PCDH15: variants seen among roughly 807,000 people sequenced by gnomAD.
PCDH15 encodes the protein protocadherin-15.
PCDH15 carries 129 observed loss-of-function variants against 178.5 expected under a neutral mutation model. That is an observed-to-expected ratio of 0.72 (90% confidence interval 0.63 to 0.84). The LOEUF (loss-of-function observed/expected upper bound fraction) is 0.84, where lower values mean the gene tolerates loss of function less well. Among genes scored for constraint, PCDH15 ranks in the 40% least tolerant of loss-of-function variants. PCDH15 has a pLI of 0.00. For synonymous variants in PCDH15, 800 were observed against 732.0 expected, an observed-to-expected ratio of 1.09 and a Z score of -1.50; for missense variants, 2,230 against 2,099.9, an observed-to-expected ratio of 1.06 and a Z score of -1.21.
At chr10:55,238,717 A>T (rs1307867817) in intron 1 of PCDH15, among the ~76,000 whole-genome samples, 1 of 151,700 alleles carries the variant, frequency 6.6e-6, no homozygotes, top group Non-Finnish European at 1.5e-5. Context: ...CTCTTAATTT[A>T]TATATATTTT....
At chr10:54,118,043 T>A (rs886856677) in intron 15 of PCDH15, among the ~76,000 whole-genome samples, 1 of 152,272 alleles carries the variant, frequency 6.6e-6, no homozygotes, top group African/African-American at 2.4e-5. Context: ...GAAAATACTA[T>A]TCCAAACTTA....
upstream of PCDH15, among the ~76,000 whole-genome samples, chr10:54,806,066 T>C (rs1224409783): frequency 3.3e-5 from 5 of 152,194 alleles, no homozygotes; most frequent in Admixed American, 2.6e-4. Context: ...GTGCAGATAA[T>C]ATTTGTAAAA....
rs916602689 is a variant in PCDH15, at chr10:53,878,038, T to A, written c.3502-11181A>T. Among the ~76,000 whole-genome samples the A allele has an allele frequency of 3.9e-5, 6 of 152,084 alleles. No homozygotes were observed. In the East Asian group the frequency reaches 1.2e-3, roughly 29 times the overall value. On this transcript the variant is annotated intron_variant, in intron 26 of 37. Transcript: ENST00000644397. ...ACTTTTTGCTTTACATTTATTCTAC[T>A]TCCCAGAACCATATTATTTTGTTTT...
intron 33 of PCDH15, among the ~76,000 whole-genome samples, chr10:53,819,926 G>GAAT (rs2076196299): frequency 6.6e-6 from 1 of 151,810 alleles, no homozygotes. Flanking sequence ...AAAAAGTACA[G>GAAT]AATAATAACA....
In PCDH15 at chr10:55,006,885, A is replaced by C. The variant is rs947626742; in HGVS notation, c.-79-109385T>G. On this transcript the variant is annotated intron_variant, in intron 2 of 5. Transcript: ENST00000458638. Reference sequence around the variant, plus strand: ...AGGACTGTTTACTCAATGCCTATACATTCCATTTCAATGCTGTAGGTGGGG... The same window carrying C: ...AGGACTGTTTACTCAATGCCTATACCTTCCATTTCAATGCTGTAGGTGGGG... Among the ~76,000 whole-genome samples, 14 of 152,110 alleles carry C rather than the reference A, an allele frequency of 9.2e-5. No homozygotes were observed. The South Asian group carries it at 2.9e-3, about 32-fold the overall frequency.
intron 2 of PCDH15, among the ~76,000 whole-genome samples, chr10:55,554,608 A>T (rs1412427131): frequency 6.6e-6 from 1 of 151,978 alleles, no homozygotes; most frequent in Non-Finnish European, 1.5e-5. Flanking sequence ...TGCAAAACCC[A>T]CACATATGGG....
At chr10:55,363,404 C>A (rs1845276368) in intron 2 of PCDH15, among the ~76,000 whole-genome samples, 3 of 152,018 alleles carry the variant, frequency 2.0e-5, no homozygotes, top group Admixed American at 2.0e-4. Context: ...GTGTGAATAT[C>A]AGTTTTATTT....
chr10:55,197,993 A>C (rs984433573), intron 1 of PCDH15, among the ~76,000 whole-genome samples: 12 of 152,168 alleles, frequency 7.9e-5, no homozygotes, highest in Non-Finnish European at 1.8e-4. Context: ...AGACATCTAC[A>C]TAAAAGGGAA....
At chr10:55,463,991 GAGAAAGAAAGAAAGAA>G (rs1225302628) in intron 2 of PCDH15, among the ~76,000 whole-genome samples, 452 of 21,096 alleles carry the variant, frequency 0.021, 48 homozygotes, top group South Asian at 0.03. Context: ...AAGAAAGAAA[GAGAAAGAAAGAAAGAA>G]AGAAAGAAAG....
intron 9 of PCDH15, among the ~76,000 whole-genome samples, chr10:54,217,096 T>A (rs1374744900): frequency 6.6e-6 from 1 of 152,130 alleles, no homozygotes; most frequent in East Asian, 1.9e-4. Flanking sequence ...AATTGTTACT[T>A]ATGAGAAAGA....
chr10:53,917,646 T>G (rs923343026), intron 25 of PCDH15, among the ~76,000 whole-genome samples: 18 of 152,134 alleles, frequency 1.2e-4, no homozygotes, highest in African/African-American at 4.3e-4. Flanking sequence ...TTTTTTTTCT[T>G]GAGACTATAA....
chr10:54,281,534 A>G (rs1261375791), intron 8 of PCDH15, among the ~76,000 whole-genome samples: 1 of 152,028 alleles, frequency 6.6e-6, no homozygotes. Context: ...TCTTAGGAAT[A>G]TTATCTAAGA....
At chr10:54,753,533 C>A (rs1203983544) in intron 1 of PCDH15, among the ~76,000 whole-genome samples, 1 of 152,114 alleles carries the variant, frequency 6.6e-6, no homozygotes, top group Non-Finnish European at 1.5e-5. Flanking sequence ...ACTTAAATTA[C>A]ATTCTCACCC....
At chr10:54,477,063 T>A (rs2078326323) in intron 3 of PCDH15, among the ~76,000 whole-genome samples, 1 of 152,126 alleles carries the variant, frequency 6.6e-6, no homozygotes, top group South Asian at 2.1e-4. Context: ...ATAAATAGGA[T>A]CATGTTACCT....
intron 5 of PCDH15, among the ~76,000 whole-genome samples, chr10:54,368,081 A>G (rs2134681534): frequency 6.6e-6 from 1 of 152,066 alleles, no homozygotes; most frequent in East Asian, 1.9e-4. Context: ...TCGACCAGTA[A>G]TTCGTCTTGT....
At chr10:55,500,311 A>T (rs988858534) in intron 2 of PCDH15, among the ~76,000 whole-genome samples, 5 of 151,760 alleles carry the variant, frequency 3.3e-5, no homozygotes, top group African/African-American at 1.2e-4. Context: ...TGAAGGACTA[A>T]GTCAGTTGAA....
chr10:53,866,789 C>T lies in PCDH15; in HGVS notation c.3570G>A (p.Glu1190=). 4 of 1,613,336 alleles carry T rather than the reference C, an allele frequency of 2.5e-6. No homozygotes were observed. Among genetic ancestry groups the T allele is most frequent in the African/African-American group, 1.3e-5 (1 of 74,924 alleles). The stretch of plus-strand genomic sequence containing the variant: ...TTTCCACTACAAATCCTTCTTTTCC[C>T]TCTTTAATTGGTGGTATTATGAGTC... ...AYRLIIPPIK[E]GKEGFVVETY... is the part of the protein sequence containing the mutation. Residue 1190 remains glutamate, a synonymous_variant, in exon 27 of 38, where the codon GAG becomes GAA. Coordinates refer to ENST00000644397, the MANE Select transcript of PCDH15 (RefSeq NM_001384140.1).
chr10:54,594,626 C>T (rs1236292580), intron 2 of PCDH15, among the ~76,000 whole-genome samples: 3 of 152,196 alleles, frequency 2.0e-5, no homozygotes, highest in East Asian at 3.9e-4. Flanking sequence ...GCTTTGCTGG[C>T]AGGCACTCGC....
intron 26 of PCDH15, among the ~76,000 whole-genome samples, chr10:53,870,372 GT>G (rs1398605717): frequency 6.6e-6 from 1 of 151,858 alleles, no homozygotes; most frequent in African/African-American, 2.4e-5. Context: ...TGAGATAAAA[GT>G]TTTTTTAAAA....
Sources: gnomAD v4.1 joint callset for allele counts (sites outside exome capture counted in the v4.1 genomes callset) on GRCh38, gnomAD v4.1.1 for gene constraint, MANE v1.5 for transcripts, NCBI Gene and HGNC (gene_info 2026-07-23, HGNC 2026-07-21) for gene names.